The following YIPF7 variants were observed in gnomAD, a reference collection of about 807,000 sequenced individuals.
YIPF7 encodes the protein protein YIPF7.
In YIPF7, 35 loss-of-function variants were observed where a neutral mutation model predicts 27.2. The observed-to-expected ratio is 1.29, with a 90% CI of 0.98 to 1.70. YIPF7 has a LOEUF of 1.70. Ranked by LOEUF, YIPF7 falls within the 40% of genes most tolerant of loss-of-function variation. The pLI is 0.00. For missense variants in YIPF7, 358 were observed against 303.7 expected (o/e 1.18, Z -1.33); for synonymous variants, 137 against 110.4 (o/e 1.24, Z -1.51).
At chr4:44,643,762 C>A (rs1268458301) in intron 2 of YIPF7, among the ~76,000 whole-genome samples, 1 of 152,148 alleles carries the variant, frequency 6.6e-6, no homozygotes, top group Non-Finnish European at 1.5e-5. Flanking sequence ...CAGCTCACTG[C>A]TTCAGAGGAT....
chr4:44,641,415 C>T (rs1713321814), intron 2 of YIPF7, among the ~76,000 whole-genome samples: 1 of 152,100 alleles, frequency 6.6e-6, no homozygotes, highest in African/African-American at 2.4e-5. Flanking sequence ...ACCTCTTTGA[C>T]ATGTTTTTGC....
upstream of YIPF7, among the ~76,000 whole-genome samples, chr4:44,653,783 C>T (rs529405947): frequency 5.1e-4 from 77 of 152,090 alleles, no homozygotes; most frequent in South Asian, 3.1e-3. Context: ...TTTTCTATTC[C>T]TTCTTTCAAA....
At chr4:44,630,977 G>C (rs1712871992) in intron 3 of YIPF7, among the ~76,000 whole-genome samples, 1 of 152,104 alleles carries the variant, frequency 6.6e-6, no homozygotes, top group South Asian at 2.1e-4. Context: ...TGGAGGCTAG[G>C]AAGAATGAAA....
At position 44,650,178 on chromosome 4, in the gene YIPF7, G is replaced by A. The variant is rs1403589070; in HGVS notation, c.-1-77C>T. 6 of 861,622 alleles carry A rather than the reference G, an allele frequency of 7.0e-6. No homozygotes were observed. The Admixed American group carries it at 8.6e-5, about 12-fold the overall frequency. The allele number at this position is 861,622 out of a possible 1,614,324, so 53.4% of individuals were successfully genotyped here. On this transcript the variant is annotated intron_variant, in intron 1 of 5. Coordinates refer to ENST00000415895, the MANE Select transcript of YIPF7 (RefSeq NM_182592.3). ...TTTGAGATATTTACAAACATCAAAT[G>A]ACAATGTGATTATGGCTGAATTCCT...
In YIPF7 at chr4:44,633,532, T is replaced by G. The variant is rs144334207; in HGVS notation, c.280+2390A>C. Among the ~76,000 whole-genome samples the G allele has an allele frequency of 6.1e-3, 931 of 152,246 alleles. 5 individuals carry two copies. Among genetic ancestry groups the G allele is most frequent in the Non-Finnish European group, 9.8e-3 (668 of 68,018 alleles). ...ATATAAAACAAAAAACATAAAAGGA[T>G]AATTTTAAAATGTGAGCATCTATAA... On this transcript the variant is annotated intron_variant, in intron 3 of 5. Transcript: ENST00000415895.
upstream of YIPF7, among the ~76,000 whole-genome samples, chr4:44,655,208 T>C (rs1355125228): frequency 6.6e-6 from 1 of 152,066 alleles, no homozygotes; most frequent in Admixed American, 6.5e-5. Flanking sequence ...ATAACTATTA[T>C]AAATACTGCA....
chr4:44,660,155 G>A (rs933359090), intron 2 of YIPF7, among the ~76,000 whole-genome samples: 11 of 117,100 alleles, frequency 9.4e-5, no homozygotes, highest in South Asian at 2.8e-4. Context: ...ACAGTGACCT[G>A]CATGTCTAAT....
intron 4 of YIPF7, among the ~76,000 whole-genome samples, chr4:44,628,898 A>G (rs1358032219): frequency 6.6e-6 from 1 of 152,208 alleles, no homozygotes; most frequent in Non-Finnish European, 1.5e-5. Flanking sequence ...TAAACAAAAC[A>G]TAGGTTGTCA....
intron 5 of YIPF7, among the ~76,000 whole-genome samples, chr4:44,623,704 G>A (rs115930380): frequency 0.028 from 4,211 of 152,188 alleles, 185 homozygotes; most frequent in African/African-American, 0.097. Context: ...GTTGTTTAAT[G>A]TACTGTATTC....
In YIPF7 at chr4:44,629,430, G is replaced by T; in HGVS notation, c.399C>A (p.Cys133Ter). The T allele has an allele frequency of 6.3e-7, 1 of 1,596,768 alleles. No individual in the cohort carries two copies. Among genetic ancestry groups the T allele is most frequent in the Non-Finnish European group, 8.5e-7 (1 of 1,171,378 alleles). The change falls in exon 4 of 6, where the codon TGC becomes TGA. Residue 133 changes from cysteine to a stop codon, truncating the protein, a stop_gained. Coordinates refer to ENST00000415895, the MANE Select transcript of YIPF7 (RefSeq NM_182592.3). LOFTEE classifies it high-confidence loss of function. ...GAAGCAAGGTGGCTCCCAGGGCTACGCAAAAAAGAATGGGTCCAGTGAGGT... is the reference window on the plus strand; with the variant it reads ...GAAGCAAGGTGGCTCCCAGGGCTACTCAAAAAAGAATGGGTCCAGTGAGGT... Reference protein sequence around the residue: ...ETDLTGPILFCVALGATLLLA... With the variant: ...ETDLTGPILF
chr4:44,633,845 T>C (rs1356524277), intron 3 of YIPF7, among the ~76,000 whole-genome samples: 1 of 152,122 alleles, frequency 6.6e-6, no homozygotes, highest in African/African-American at 2.4e-5. Flanking sequence ...AAAAAACCCA[T>C]GAAAAATAAA....
At position 44,629,539 on chromosome 4, in the gene YIPF7, A is replaced by AT. The variant is rs1712806214; in HGVS notation, c.289dup (p.Ile97AsnfsTer4). On this transcript the variant is annotated frameshift_variant, in exon 4 of 6. Transcript: ENST00000415895. LOFTEE classifies it high-confidence loss of function. ...TTTTTGCCATATGTGATCAAAATGG[A>AT]TTCCAAGTTCTGTAAAAAGGAAAAA... 1 of 1,534,676 alleles carries AT rather than the reference A, an allele frequency of 6.5e-7. No individual in the cohort carries two copies. Among genetic ancestry groups the AT allele is most frequent in the South Asian group, 1.3e-5 (1 of 78,028 alleles).
intron 2 of YIPF7, among the ~76,000 whole-genome samples, chr4:44,658,187 A>T (rs1713952269): frequency 6.6e-6 from 1 of 152,124 alleles, no homozygotes; most frequent in African/African-American, 2.4e-5. Context: ...AGTCTTTGGG[A>T]GGTTACTAAG....
chr4:44,662,175 A>G (rs552528819), intron 1 of YIPF7, among the ~76,000 whole-genome samples: 1 of 152,306 alleles, frequency 6.6e-6, no homozygotes, highest in Admixed American at 6.5e-5. Context: ...ATGGAACCCT[A>G]TATATACTGT....
intron 2 of YIPF7, among the ~76,000 whole-genome samples, chr4:44,642,615 G>T (rs2109592637): frequency 6.6e-6 from 1 of 152,290 alleles, no homozygotes; most frequent in African/African-American, 2.4e-5. Context: ...AATGCTGGAG[G>T]TGGGGCCTAG....
At chr4:44,634,819 G>C (rs1252940124) in intron 3 of YIPF7, among the ~76,000 whole-genome samples, 1 of 152,108 alleles carries the variant, frequency 6.6e-6, no homozygotes, top group African/African-American at 2.4e-5. Flanking sequence ...CAATTAGGGA[G>C]AGATATTGGC....
chr4:44,645,306 CTG>C, intron 2 of YIPF7, among the ~76,000 whole-genome samples: 1 of 152,200 alleles, frequency 6.6e-6, no homozygotes. Context: ...GGCACCAACT[CTG>C]AATGGCTATG....
chr4:44,654,633 T>G (rs988989350), upstream of YIPF7, among the ~76,000 whole-genome samples: 6 of 151,992 alleles, frequency 3.9e-5, no homozygotes, highest in Non-Finnish European at 5.9e-5. Context: ...ATTTCAAACT[T>G]AACATAATCC....
chr4:44,622,314 G>T lies in YIPF7; in HGVS notation c.*100C>A. The T allele has an allele frequency of 1.4e-6, 2 of 1,388,804 alleles. No homozygotes were observed. The highest frequency in any genetic ancestry group is 2.9e-5 in the South Asian group (2 of 67,922). 86.0% of individuals were successfully genotyped at this position (1,388,804 alleles called of 1,614,324 possible). ...CTCTCTGCTTATTACTCTCTCAAAAGCAATAAAACAGAAATCATATCACCA... is the reference window on the plus strand; with the variant it reads ...CTCTCTGCTTATTACTCTCTCAAAATCAATAAAACAGAAATCATATCACCA... On this transcript the variant is annotated 3_prime_UTR_variant, in exon 6 of 6. Coordinates refer to ENST00000415895, the MANE Select transcript of YIPF7 (RefSeq NM_182592.3).
Sources: gnomAD v4.1 joint callset for allele counts (sites outside exome capture counted in the v4.1 genomes callset) on GRCh38, gnomAD v4.1.1 for gene constraint, MANE v1.5 for transcripts, NCBI Gene and HGNC (gene_info 2026-07-23, HGNC 2026-07-21) for gene names.